The following GPR174 variants were observed in gnomAD, a reference collection of about 807,000 sequenced individuals.
The protein encoded by GPR174 is G protein-coupled receptor 174, also known as probable G protein-coupled receptor 174.
Under a neutral mutation model 16.5 loss-of-function variants are expected in GPR174, and 8 were observed. The ratio of observed to expected loss-of-function variants is 0.48; its 90% CI spans 0.28 to 0.87. GPR174 has a LOEUF of 0.87. Ranked by LOEUF, GPR174 falls within the 40% of genes least tolerant of loss-of-function variation. The pLI, the probability that GPR174 is intolerant of heterozygous loss-of-function variation, is 0.09. For synonymous variants in GPR174, 111 were observed against 94.8 expected, an observed-to-expected ratio of 1.17 and a Z score of -0.99; for missense variants, 214 against 247.5, an observed-to-expected ratio of 0.86 and a Z score of 0.91.
At position 79,171,301 on chromosome X, in the gene GPR174, G is replaced by A; in HGVS notation, c.294G>A (p.Lys98=). Residue 98 remains lysine, a synonymous_variant, in exon 3 of 3, where the codon AAG becomes AAA. Transcript: ENST00000645147. ...TCTGCATGTTCTGTTTCTACCTGAA[G>A]TATGTCAACATGTATGCAAGCATCT... The part of the protein sequence containing the change: ...PGLCMFCFYL[K]YVNMYASIYF... The A allele has an allele frequency of 8.3e-7, 1 of 1,211,573 alleles. No individual in the cohort carries two copies. Among genetic ancestry groups the A allele is most frequent in the Non-Finnish European group, 1.1e-6 (1 of 895,277 alleles).
chrX:79,157,683 T>G (rs777129286), intron 2 of GPR174, among the ~76,000 whole-genome samples: 3 of 111,683 alleles, frequency 2.7e-5, no homozygotes, highest in Admixed American at 9.5e-5. Flanking sequence ...ATTTATTGAT[T>G]GGTAAGTATC....
chrX:79,149,401 T>C (rs1407329962), intron 1 of GPR174, among the ~76,000 whole-genome samples: 4 of 111,889 alleles, frequency 3.6e-5, no homozygotes, highest in Non-Finnish European at 7.5e-5. Flanking sequence ...AGTACTGATT[T>C]TGTAATACTT....
chrX:79,146,225 A>G (rs991985621), intron 1 of GPR174, among the ~76,000 whole-genome samples: 1 of 111,849 alleles, frequency 8.9e-6, no homozygotes. Flanking sequence ...GTGGTACAAT[A>G]TGACCCAGGA....
At chrX:79,149,833 T>TTC (rs1286287733) in intron 1 of GPR174, among the ~76,000 whole-genome samples, 1 of 107,790 alleles carries the variant, frequency 9.3e-6, no homozygotes, top group Non-Finnish European at 1.9e-5. Flanking sequence ...TTTTTTTTTT[T>TTC]TTTTTTGCCA....
At chrX:79,157,857 T>A (rs1253567846) in intron 2 of GPR174, among the ~76,000 whole-genome samples, 1 of 109,890 alleles carries the variant, frequency 9.1e-6, no homozygotes, top group African/African-American at 3.3e-5. Context: ...TGCTTGAGCC[T>A]AGTTTGAAAA....
intron 2 of GPR174, among the ~76,000 whole-genome samples, chrX:79,166,940 CAAAT>C (rs1569281477): frequency 9.0e-6 from 1 of 111,522 alleles, no homozygotes; most frequent in East Asian, 2.8e-4. Context: ...ATTTCTGACA[CAAAT>C]AAACTGCTTT....
chrX:79,167,833 A>G (rs1921414028), intron 2 of GPR174, among the ~76,000 whole-genome samples: 2 of 112,349 alleles, frequency 1.8e-5, no homozygotes, highest in Non-Finnish European at 3.8e-5. Context: ...GTCTGTCTAC[A>G]CATATGTGTT....
At chrX:79,163,209 T>C (rs1439280765) in intron 2 of GPR174, among the ~76,000 whole-genome samples, 6 of 112,208 alleles carry the variant, frequency 5.3e-5, no homozygotes, top group Non-Finnish European at 9.4e-5. Flanking sequence ...TGCAGAAATA[T>C]GTCAGTCTAA....
chrX:79,166,417 T>A (rs1367892726), intron 2 of GPR174, among the ~76,000 whole-genome samples: 1 of 100,150 alleles, frequency 1.0e-5, no homozygotes, highest in South Asian at 4.6e-4. Flanking sequence ...GGATCTTTTT[T>A]TTCTTTTCTT....
At chrX:79,145,373 G>C (rs1926479410) in intron 1 of GPR174, among the ~76,000 whole-genome samples, 156 bp downstream of exon 1, 1 of 111,364 alleles carries the variant, frequency 9.0e-6, no homozygotes, top group African/African-American at 3.3e-5. Flanking sequence ...ATGTCATTTC[G>C]TTGGTATTTG....
In GPR174 at chrX:79,174,448, G is replaced by T. The variant is rs1395594021; in HGVS notation, c.*2439G>T. On this transcript the variant is annotated 3_prime_UTR_variant, in exon 3 of 3. Transcript: ENST00000645147. ...GGAATATCTGAATTCCAGGCTTTAG[G>T]ACTAGGCATTAAACCAAAGTGGTGA... 3 of 108,130 alleles carry T rather than the reference G, an allele frequency of 2.8e-5. No individual in the cohort carries two copies. The highest frequency in any genetic ancestry group is 2.0e-4 in the Admixed American group (2 of 9,958). 8.9% of individuals were successfully genotyped at this position (108,130 alleles called of 1,213,427 possible).
intron 2 of GPR174, among the ~76,000 whole-genome samples, chrX:79,168,486 GCCA>G (rs965616832): frequency 3.4e-4 from 37 of 109,721 alleles, no homozygotes; most frequent in African/African-American, 1.2e-3. Context: ...ATCTTTTAAA[GCCA>G]GGAGGTGGAG....
intron 2 of GPR174, among the ~76,000 whole-genome samples, chrX:79,162,387 A>G (rs983513389): frequency 2.7e-5 from 3 of 111,711 alleles, no homozygotes; most frequent in African/African-American, 9.8e-5. Flanking sequence ...AAGAAAAAAA[A>G]TCTGAATGCA....
chrX:79,168,396 G>C lies in GPR174; in HGVS notation c.-556-2056G>C, dbSNP rs951543702. Among the ~76,000 whole-genome samples the C allele has an allele frequency of 1.8e-4, 20 of 111,579 alleles. 3 individuals carry two copies. The Admixed American group carries it at 1.9e-3, about 11-fold the overall frequency. On this transcript the variant is annotated intron_variant, in intron 2 of 2. Coordinates refer to ENST00000645147, the MANE Select transcript of GPR174 (RefSeq NM_032553.3). ...CAGATGGCATCTCTACTTGCAATTA[G>C]TGTCTCAAAGACCACCATTAGAAAT...
At chrX:79,163,649 T>C (rs1264145037) in intron 2 of GPR174, among the ~76,000 whole-genome samples, 1 of 112,609 alleles carries the variant, frequency 8.9e-6, no homozygotes, top group Middle Eastern at 4.6e-3. Context: ...ATTGTGTTAC[T>C]TTTTATCCTA....
rs780524405 is a variant in GPR174 at position 79,170,853 on chromosome X, G to A, written c.-155G>A. On this transcript the variant is annotated 5_prime_UTR_variant, in exon 3 of 3. Transcript: ENST00000645147. ...TCTTTGAAAAATCCCCAAATCATAC[G>A]TAGAGACTCAGACAGATGTGGTAAA... 1.5e-5 allele frequency: 7 copies of A among 463,512 alleles called. No individual in the cohort carries two copies. Among genetic ancestry groups the A allele is most frequent in the South Asian group, 4.0e-5 (1 of 25,207 alleles). 38.2% of individuals were successfully genotyped at this position (463,512 alleles called of 1,213,427 possible).
intron 1 of GPR174, among the ~76,000 whole-genome samples, chrX:79,146,638 T>C (rs1231803808): frequency 8.9e-6 from 1 of 112,257 alleles, no homozygotes; most frequent in Non-Finnish European, 1.9e-5. Context: ...ATAATATTTG[T>C]GTGAGACAGG....
intron 2 of GPR174, among the ~76,000 whole-genome samples, chrX:79,168,452 A>T (rs1274847267): frequency 1.8e-5 from 2 of 111,294 alleles, no homozygotes; most frequent in East Asian, 5.6e-4. Context: ...CAATCCCAAC[A>T]CTTTGGGATG....
rs541054035 is a variant in GPR174, at chrX:79,152,526, G to A, written c.-653-4296G>A. Among the ~76,000 whole-genome samples the A allele has an allele frequency of 2.6e-3, 295 of 111,659 alleles. 1 individual carries two copies. Among genetic ancestry groups the A allele is most frequent in the Middle Eastern group, 0.018 (4 of 219 alleles). On this transcript the variant is annotated intron_variant, in intron 1 of 2. Transcript: ENST00000645147. ...AACACAATAACAAAGTTTTAGGCTT[G>A]TCTGTCTCCTGATAATCCTAATTAT...
Sources: gnomAD v4.1 joint callset for allele counts (sites outside exome capture counted in the v4.1 genomes callset) on GRCh38, gnomAD v4.1.1 for gene constraint, MANE v1.5 for transcripts, NCBI Gene and HGNC (gene_info 2026-07-23, HGNC 2026-07-21) for gene names.